The following ZMAT4 variants were observed in gnomAD, a reference collection of about 807,000 sequenced individuals.
The protein encoded by ZMAT4 is zinc finger matrin-type 4.
ZMAT4 carries 17 observed loss-of-function variants against 28.7 expected under a neutral mutation model. The observed-to-expected ratio is 0.59, with a 90% CI of 0.41 to 0.89. The LOEUF is 0.89. Ranked by LOEUF, ZMAT4 falls within the 40% of genes least tolerant of loss-of-function variation. The probability of loss-of-function intolerance (pLI) is 0.00; values close to 1 mark genes in which losing one functional copy is unlikely to be tolerated. For missense variants in ZMAT4, 240 were observed against 283.8 expected, an observed-to-expected ratio of 0.85 and a Z score of 1.11; for synonymous variants, 117 against 109.2, an observed-to-expected ratio of 1.07 and a Z score of -0.44.
At chr8:40,604,798 T>C (rs1039230560) in intron 5 of ZMAT4, among the ~76,000 whole-genome samples, 13 of 152,204 alleles carry the variant, frequency 8.5e-5, no homozygotes, top group African/African-American at 3.1e-4. Context: ...GTAAGGTTGG[T>C]ATCAATTCTT....
chr8:40,551,635 C>T (rs1316772041), intron 6 of ZMAT4, among the ~76,000 whole-genome samples: 2 of 152,164 alleles, frequency 1.3e-5, no homozygotes, highest in African/African-American at 4.8e-5. Context: ...AAAATCACCA[C>T]TCTTACTTTA....
chr8:40,699,726 T>A (rs1264873496), intron 3 of ZMAT4, among the ~76,000 whole-genome samples: 1 of 152,252 alleles, frequency 6.6e-6, no homozygotes, highest in African/African-American at 2.4e-5. Context: ...ATACCATTTT[T>A]TTAACTACTT....
chr8:40,559,373 G>A (rs888569714), intron 6 of ZMAT4, among the ~76,000 whole-genome samples: 8 of 152,114 alleles, frequency 5.3e-5, no homozygotes, highest in African/African-American at 1.9e-4. Flanking sequence ...TAACATGCAT[G>A]TTTGTTCAGT....
intron 4 of ZMAT4, among the ~76,000 whole-genome samples, chr8:40,694,747 A>G (rs1330641247): frequency 6.6e-6 from 1 of 152,080 alleles, no homozygotes; most frequent in Non-Finnish European, 1.5e-5. Flanking sequence ...ATTCTCCCCC[A>G]AGGATAGCCT....
chr8:40,696,230 C>T (rs77192583), intron 4 of ZMAT4, among the ~76,000 whole-genome samples: 5,077 of 152,172 alleles, frequency 0.033, 269 homozygotes, highest in African/African-American at 0.11. Flanking sequence ...TAGAAAAATA[C>T]AGTAAAATGA....
intron 5 of ZMAT4, among the ~76,000 whole-genome samples, chr8:40,618,021 C>T (rs1362016620): frequency 2.0e-5 from 3 of 152,216 alleles, no homozygotes; most frequent in Non-Finnish European, 4.4e-5. Context: ...ACCACACTCT[C>T]TACCTTTAGA....
chr8:40,705,370 C>A (rs1810307469), intron 3 of ZMAT4, among the ~76,000 whole-genome samples: 1 of 151,860 alleles, frequency 6.6e-6, no homozygotes, highest in Non-Finnish European at 1.5e-5. Flanking sequence ...GGATGAGAGG[C>A]AGGTGGGAAG....
intron 5 of ZMAT4, among the ~76,000 whole-genome samples, chr8:40,613,180 C>CTTTTTTTTTTTTTT (rs34687121): frequency 2.5e-5 from 2 of 79,966 alleles, no homozygotes; most frequent in African/African-American, 4.9e-5. Context: ...TACTTTCTTT[C>CTTTTTTTTTTTTTT]TTTTTTTTTT....
At chr8:40,544,145 A>G (rs751193126) in intron 6 of ZMAT4, among the ~76,000 whole-genome samples, 1 of 152,088 alleles carries the variant, frequency 6.6e-6, no homozygotes, top group Non-Finnish European at 1.5e-5. Flanking sequence ...GAACTTAGTG[A>G]TTGAGCTGGG....
chr8:40,670,656 T>G (rs1374535040), intron 5 of ZMAT4, among the ~76,000 whole-genome samples: 1 of 152,174 alleles, frequency 6.6e-6, no homozygotes, highest in East Asian at 1.9e-4. Flanking sequence ...CCATAATACG[T>G]GAAAGCCTTC....
chr8:40,801,383 T>C (rs1033932283), intron 2 of ZMAT4, among the ~76,000 whole-genome samples: 6 of 124,902 alleles, frequency 4.8e-5, no homozygotes, highest in African/African-American at 8.4e-5. Flanking sequence ...CATATATATA[T>C]TCGGTGGGGT....
chr8:40,541,579 T>A (rs1585660526), intron 6 of ZMAT4, among the ~76,000 whole-genome samples: 2 of 152,288 alleles, frequency 1.3e-5, no homozygotes, highest in South Asian at 4.1e-4. Flanking sequence ...GGCTACTGTG[T>A]TATAAAGTAG....
chr8:40,878,758 A>G lies in ZMAT4; in HGVS notation c.-5+18925T>C, dbSNP rs546399482. ...GTGCGGCAGGTGAGAGAAACCAGAG[A>G]TGCAGCTCTGGCCTCGGAGGCCTGT... On this transcript the variant is annotated intron_variant, in intron 1 of 6. Coordinates refer to ENST00000297737, the MANE Select transcript of ZMAT4 (RefSeq NM_024645.3). 1.0e-3 allele frequency among the ~76,000 whole-genome samples: 159 copies of G among 152,342 alleles called. 1 individual carries two copies. The highest frequency in any genetic ancestry group is 3.6e-3 in the African/African-American group (148 of 41,576).
At chr8:40,569,047 A>C (rs1173639097) in intron 6 of ZMAT4, among the ~76,000 whole-genome samples, 1 of 152,182 alleles carries the variant, frequency 6.6e-6, no homozygotes, top group Non-Finnish European at 1.5e-5. Flanking sequence ...AAACACAGTC[A>C]GTACTCAACG....
intron 5 of ZMAT4, among the ~76,000 whole-genome samples, chr8:40,617,814 G>A (rs1806063621): frequency 6.6e-6 from 1 of 152,156 alleles, no homozygotes. Context: ...ACAATAAACT[G>A]TGCCCACAGA....
chr8:40,580,010 CTTTT>C (rs60027647), intron 6 of ZMAT4, among the ~76,000 whole-genome samples: 7 of 118,736 alleles, frequency 5.9e-5, no homozygotes, highest in African/African-American at 1.9e-4. Flanking sequence ...ATGTATTCAT[CTTTT>C]TTTTTTTTTT....
chr8:40,790,141 G>A (rs1226010768), intron 2 of ZMAT4, among the ~76,000 whole-genome samples: 3 of 152,122 alleles, frequency 2.0e-5, no homozygotes, highest in African/African-American at 7.2e-5. Context: ...TCTTGCTATA[G>A]CAAGCTCTGA....
intron 2 of ZMAT4, among the ~76,000 whole-genome samples, chr8:40,801,870 A>C (rs1814864966): frequency 6.6e-6 from 1 of 152,166 alleles, no homozygotes; most frequent in South Asian, 2.1e-4. Context: ...GTACAAAATA[A>C]AGGATACACC....
At position 40,613,046 on chromosome 8, in the gene ZMAT4, C is replaced by T. The variant is rs576986817; in HGVS notation, c.578-31785G>A. 5.7e-4 allele frequency among the ~76,000 whole-genome samples: 86 copies of T among 151,820 alleles called. 1 individual carries two copies. The highest frequency in any genetic ancestry group is 1.0e-3 in the Non-Finnish European group (71 of 67,910). On this transcript the variant is annotated intron_variant, in intron 5 of 6. Coordinates refer to ENST00000297737, the MANE Select transcript of ZMAT4 (RefSeq NM_024645.3). ...TAGGCTGGTCTCAAACTCCTGACCTCGTGATCCGCCCACCTCAGCCTCCCA... is the reference window on the plus strand; with the variant it reads ...TAGGCTGGTCTCAAACTCCTGACCTTGTGATCCGCCCACCTCAGCCTCCCA...
Sources: allele counts gnomAD v4.1 joint callset (sites outside exome capture counted in the v4.1 genomes callset), GRCh38; gene constraint gnomAD v4.1.1; transcripts MANE v1.5; gene names NCBI Gene and HGNC (gene_info 2026-07-23, HGNC 2026-07-21).